The following RABGAP1 variants were observed in gnomAD, a reference collection of about 807,000 sequenced individuals.
The protein encoded by RABGAP1 is rab GTPase-activating protein 1.
A neutral mutation model predicts 137.6 loss-of-function variants in RABGAP1; 23 were observed. That is an observed-to-expected ratio of 0.17 (90% confidence interval 0.12 to 0.24). The LOEUF (loss-of-function observed/expected upper bound fraction) is 0.24. Among genes scored for constraint, RABGAP1 ranks in the 10% least tolerant of loss-of-function variants. The pLI is 1.00. For missense variants in RABGAP1, 906 were observed against 1,275.8 expected (o/e 0.71, Z 4.42); for synonymous variants, 451 against 450.7 (o/e 1.00, Z -0.01).
In RABGAP1 at chr9:123,034,233, A is replaced by G. The variant is rs191232544; in HGVS notation, c.1794+13774A>G. The G allele has an allele frequency of 2.1e-4, 70 of 340,352 alleles. 1 individual carries two copies. In the East Asian group the frequency reaches 3.5e-3, roughly 17 times the overall value. 21.1% of individuals were successfully genotyped at this position (340,352 alleles called of 1,614,324 possible). On this transcript the variant is annotated intron_variant, in intron 13 of 25. Coordinates refer to ENST00000373647, the MANE Select transcript of RABGAP1 (RefSeq NM_012197.4). ...TCCTAATCTTCTTCCCTTCTCTTCT[A>G]CCCTTTCCCCCTACCCTCACTTGGC...
chr9:123,015,420 A>G (rs1201037397), intron 11 of RABGAP1, 123 bp from the exon 12 acceptor site: 1 of 565,506 alleles, frequency 1.8e-6, no homozygotes, highest in African/African-American at 1.9e-5. Flanking sequence ...AAATACTAAA[A>G]GAGAGAAATT....
chr9:123,023,609 T>TTA (rs932501355), intron 13 of RABGAP1, among the ~76,000 whole-genome samples: 6 of 151,964 alleles, frequency 3.9e-5, no homozygotes, highest in African/African-American at 1.2e-4. Flanking sequence ...AAAAAATTGT[T>TTA]TAGAGTATTC....
chr9:123,101,605 A>G lies in RABGAP1; in HGVS notation c.2929A>G (p.Asn977Asp), dbSNP rs2035347754. The G allele has an allele frequency of 1.2e-6, 2 of 1,613,998 alleles. No individual in the cohort carries two copies. Among genetic ancestry groups the G allele is most frequent in the South Asian group, 2.2e-5 (2 of 91,060 alleles). ...DDCERCREFFNKEGRVKGISS... is the reference protein window; with the variant it reads ...DDCERCREFFDKEGRVKGISS... ...CTGTGAGCGGTGCCGGGAATTTTTC[A>G]ACAAAGAAGGGCGTGTAAAAGGCAT... The change falls in exon 25 of 26, where the codon AAC becomes GAC. Residue 977 changes from asparagine (N) to aspartate (D), a missense_variant. Asn to Asp is a conservative substitution (Grantham distance 23, BLOSUM62 1). Coordinates refer to ENST00000373647, the MANE Select transcript of RABGAP1 (RefSeq NM_012197.4).
chr9:122,934,081 CTTTTT>C, the RABGAP1 span, among the ~76,000 whole-genome samples: 3 of 139,682 alleles, frequency 2.1e-5, no homozygotes, highest in Non-Finnish European at 4.7e-5. Flanking sequence ...CTTTTCTTTT[CTTTTT>C]TTTTTTTTTG....
rs1423506478 is a variant in RABGAP1, at chr9:122,989,039, T to C, written c.591-258T>C. Among the ~76,000 whole-genome samples, 4 of 148,860 alleles carry C rather than the reference T, an allele frequency of 2.7e-5. No homozygotes were observed. In the Admixed American group the frequency reaches 2.7e-4, roughly 10 times the overall value. On this transcript the variant is annotated intron_variant, in intron 4 of 25. Transcript: ENST00000373647. ...ATTTTGTAGCAGACTGTATAAGAAATGTGCTTATTGATATTGTTTATACCT... is the reference window on the plus strand; with the variant it reads ...ATTTTGTAGCAGACTGTATAAGAAACGTGCTTATTGATATTGTTTATACCT...
intron 1 of RABGAP1, among the ~76,000 whole-genome samples, chr9:122,949,556 G>C (rs1309864460): frequency 6.6e-6 from 1 of 151,624 alleles, no homozygotes; most frequent in Non-Finnish European, 1.5e-5. Flanking sequence ...TTAGCTGGGC[G>C]TGGTGGTGCA....
chr9:122,956,758 A>G (rs188705599), intron 1 of RABGAP1, among the ~76,000 whole-genome samples: 1 of 152,266 alleles, frequency 6.6e-6, no homozygotes, highest in Non-Finnish European at 1.5e-5. Context: ...CACTGTAAGT[A>G]GTTAGGGTTA....
chr9:123,015,747 G>A (rs1022266317), intron 12 of RABGAP1, 111 bp downstream of exon 12: 17 of 625,058 alleles, frequency 2.7e-5, no homozygotes, highest in Admixed American at 6.1e-5. Context: ...TAAGCGCAAT[G>A]TTTGCATTCT....
intron 3 of RABGAP1, among the ~76,000 whole-genome samples, chr9:122,984,986 T>G (rs1836289612): frequency 1.3e-4 from 1 of 7,582 alleles, no homozygotes; most frequent in African/African-American, 1.6e-4. Flanking sequence ...AGTCTTTTTT[T>G]TTTTCCCCCC....
intron 22 of RABGAP1, among the ~76,000 whole-genome samples, chr9:123,098,384 A>C (rs2035246447): frequency 6.6e-6 from 1 of 152,192 alleles, no homozygotes; most frequent in African/African-American, 2.4e-5. Flanking sequence ...AGATGCTGAA[A>C]ACCCGCAGTC....
At chr9:123,099,706 C>T (rs1374165863) in intron 24 of RABGAP1, among the ~76,000 whole-genome samples, 157 bp downstream of exon 24, 1 of 152,248 alleles carries the variant, frequency 6.6e-6, no homozygotes, top group African/African-American at 2.4e-5. Flanking sequence ...ACAACTAACA[C>T]TACGCCTGTT....
chr9:123,062,109 A>T (rs758714846), intron 13 of RABGAP1: 3 of 152,258 alleles, frequency 2.0e-5, no homozygotes, highest in Non-Finnish European at 2.9e-5. Context: ...CTCTACTAAA[A>T]ATACAAAAAT....
intron 13 of RABGAP1, chr9:123,034,602 C>A: frequency 6.2e-7 from 1 of 1,612,328 alleles, no homozygotes; most frequent in Non-Finnish European, 8.5e-7. Context: ...AGAGCAGCCA[C>A]CCTTTTTGCC....
intron 19 of RABGAP1, among the ~76,000 whole-genome samples, chr9:123,086,950 AT>A (rs1316735819): frequency 6.6e-6 from 1 of 152,236 alleles, no homozygotes; most frequent in Non-Finnish European, 1.5e-5. Flanking sequence ...CTTAAACAGC[AT>A]TCTGTTTTTC....
At position 123,047,919 on chromosome 9, in the gene RABGAP1, G is replaced by GTTTTTTTTTTTTTTTTTTTTTTT. The variant is rs59639446; in HGVS notation, c.1795-17415_1795-17393dup. ...TATCTAGCCATTTTACAGCTGCTGG[G>GTTTTTTTTTTTTTTTTTTTTTTT]TTTTTTTTTTTTTTTTTTTTTTTTT... On this transcript the variant is annotated intron_variant, in intron 13 of 25. Transcript: ENST00000373647. 9.6e-5 allele frequency among the ~76,000 whole-genome samples: 6 copies of GTTTTTTTTTTTTTTTTTTTTTTT among 62,282 alleles called. 1 individual carries two copies. Among genetic ancestry groups the GTTTTTTTTTTTTTTTTTTTTTTT allele is most frequent in the Non-Finnish European group, 2.1e-4 (6 of 28,026 alleles). The allele number at this position is 62,282 out of a possible 152,430, so 40.9% of individuals were successfully genotyped here.
intron 19 of RABGAP1, among the ~76,000 whole-genome samples, chr9:123,084,890 A>G (rs1470971130): frequency 2.0e-5 from 3 of 152,212 alleles, no homozygotes; most frequent in African/African-American, 7.2e-5. Flanking sequence ...ACAGTAAGTC[A>G]TTGGCAGAGC....
At chr9:122,958,600 G>A (rs1231017729) in intron 2 of RABGAP1, among the ~76,000 whole-genome samples, 1 of 152,044 alleles carries the variant, frequency 6.6e-6, no homozygotes, top group Admixed American at 6.6e-5. Flanking sequence ...TAAACGACAA[G>A]TTAATGGGTG....
intron 19 of RABGAP1, among the ~76,000 whole-genome samples, chr9:123,087,759 T>G (rs2034912923): frequency 6.6e-6 from 1 of 152,170 alleles, no homozygotes; most frequent in Admixed American, 6.5e-5. Context: ...GAGGCAGACC[T>G]GCAAACAGCC....
chr9:122,931,844 T>C, the RABGAP1 span, among the ~76,000 whole-genome samples: 3 of 152,238 alleles, frequency 2.0e-5, no homozygotes, highest in African/African-American at 7.2e-5. Context: ...GCTGCCTCCT[T>C]GGGCCTGAAG....
Sources: gnomAD v4.1 joint callset for allele counts (sites outside exome capture counted in the v4.1 genomes callset) on GRCh38, gnomAD v4.1.1 for gene constraint, MANE v1.5 for transcripts, NCBI Gene and HGNC (gene_info 2026-07-23, HGNC 2026-07-21) for gene names.